SCRT2: variants seen among roughly 807,000 people sequenced by gnomAD.
SCRT2 encodes transcriptional repressor scratch 2.
SCRT2 carries 2 observed loss-of-function variants against 3.7 expected under a neutral mutation model. The ratio of observed to expected loss-of-function variants is 0.54; its 90% CI spans 0.22 to 1.70. The LOEUF (loss-of-function observed/expected upper bound fraction) is 1.70. SCRT2 is among the 40% of genes most tolerant of loss of function. SCRT2 has a pLI of 0.19. For missense variants in SCRT2, 456 were observed against 468.5 expected (o/e 0.97, Z 0.25); for synonymous variants, 256 against 220.6 (o/e 1.16, Z -1.42).
rs1239746223 is a variant in SCRT2, at chr20:662,744, GC to G, written c.*926del. Reference sequence around the variant, plus strand: ...CAACAAGTAAGGAAGGGGATCTGTGGCCCTGGGGATGGGGGAAAGTGCTCAG... The same window carrying G: ...CAACAAGTAAGGAAGGGGATCTGTGGCCTGGGGATGGGGGAAAGTGCTCAG... On this transcript the variant is annotated 3_prime_UTR_variant, in exon 2 of 2. Transcript: ENST00000246104. The G allele has an allele frequency of 6.5e-6, 1 of 152,748 alleles. No homozygotes were observed. Among genetic ancestry groups the G allele is most frequent in the Non-Finnish European group, 1.5e-5 (1 of 68,098 alleles). 9.5% of individuals were successfully genotyped at this position (152,748 alleles called of 1,614,324 possible).
chr20:670,162 G>GA (rs1350085558), intron 1 of SCRT2, among the ~76,000 whole-genome samples: 1 of 152,226 alleles, frequency 6.6e-6, no homozygotes, highest in Non-Finnish European at 1.5e-5. Flanking sequence ...GGGGGGTATG[G>GA]AGATGAGAGT....
intron 1 of SCRT2, among the ~76,000 whole-genome samples, chr20:670,523 G>A (rs529110844): frequency 1.3e-5 from 2 of 152,224 alleles, no homozygotes; most frequent in Non-Finnish European, 2.9e-5. Flanking sequence ...ACCTGTGGAT[G>A]TAGCACCCAC....
chr20:672,666 T>C (rs1984380225), intron 1 of SCRT2, among the ~76,000 whole-genome samples: 1 of 149,242 alleles, frequency 6.7e-6, no homozygotes, highest in Non-Finnish European at 1.5e-5. Context: ...CAGGAATGGC[T>C]TGTAAGAAGA....
rs186968419 is a variant in SCRT2 at position 665,265 on chromosome 20, G to A, written c.134-804C>T. Among the ~76,000 whole-genome samples the A allele has an allele frequency of 6.6e-6, 1 of 152,348 alleles. No individual in the cohort carries two copies. Among genetic ancestry groups the A allele is most frequent in the African/African-American group, 2.4e-5 (1 of 41,578 alleles). ...GGTTGGATCTGTGTGCCCAGCACAT[G>A]CCTGGCTCAAAGTAGGTGTGCGATG... On this transcript the variant is annotated intron_variant, in intron 1 of 1. Coordinates refer to ENST00000246104, the MANE Select transcript of SCRT2 (RefSeq NM_033129.4). This position sits in a 1 kb window ranked among gnomAD's most constrained non-coding sequence, Gnocchi z 5.0.
Position 664,085 on chromosome 20 carries a change from C to T in SCRT2, c.510G>A (p.Leu170=), listed in dbSNP as rs1449296312. The T allele has an allele frequency of 3.1e-6, 5 of 1,609,844 alleles. No homozygotes were observed. The African/African-American group carries it at 6.7e-5, about 22-fold the overall frequency. ...CGKTYATSSN[L]SRHKQTHRSL... is the part of the protein sequence containing the mutation. ...TGCGGTGCGTCTGCTTGTGGCGGCT[C>T]AGGTTCGACGACGTGGCGTAGGTCT... is the stretch of plus-strand genomic sequence containing the variant. The change falls in exon 2 of 2, where the codon CTG becomes CTA. Residue 170 remains leucine, a synonymous_variant. Transcript: ENST00000246104. This position sits in a 1 kb window ranked among gnomAD's most constrained non-coding sequence, Gnocchi z 7.9.
chr20:671,702 T>C (rs1215149054), intron 1 of SCRT2, among the ~76,000 whole-genome samples: 1 of 152,066 alleles, frequency 6.6e-6, no homozygotes, highest in Non-Finnish European at 1.5e-5. Context: ...TGGGTAGAAG[T>C]AGGAGAGTTT....
At chr20:670,044 C>T (rs896040426) in intron 1 of SCRT2, among the ~76,000 whole-genome samples, 4 of 152,236 alleles carry the variant, frequency 2.6e-5, no homozygotes, top group Non-Finnish European at 5.9e-5. Flanking sequence ...CCCACCACCC[C>T]CATCTCTTGG....
Position 663,520 on chromosome 20 carries a change from G to T in SCRT2, c.*151C>A. 1.6e-6 allele frequency: 1 copy of T among 642,074 alleles called. No individual in the cohort carries two copies. The highest frequency in any genetic ancestry group is 2.2e-6 in the Non-Finnish European group (1 of 444,574). The allele number at this position is 642,074 out of a possible 1,614,324, so 39.8% of individuals were successfully genotyped here. A position where few individuals can be genotyped will look rare whatever the true frequency, so the allele number is the denominator to read the frequency against. On this transcript the variant is annotated 3_prime_UTR_variant, in exon 2 of 2. Coordinates refer to ENST00000246104, the MANE Select transcript of SCRT2 (RefSeq NM_033129.4). This position sits in a 1 kb window ranked among gnomAD's most constrained non-coding sequence, Gnocchi z 6.9. ...AGTGAGTCGTGGGTTTGGGGGTTGG[G>T]GAGAAAAGTTCCGGGCCGGGCCGGG...
In SCRT2 at chr20:675,784, A is replaced by G. The variant is rs1294377926; in HGVS notation, c.-183T>C. ...GGCTTGGCGGCGGCGGCGCGCAGACAGGGGATCGCGGGAGCTGCGCTCAGC... is the reference window on the plus strand; with the variant it reads ...GGCTTGGCGGCGGCGGCGCGCAGACGGGGGATCGCGGGAGCTGCGCTCAGC... On this transcript the variant is annotated 5_prime_UTR_variant, in exon 1 of 2. Coordinates refer to ENST00000246104, the MANE Select transcript of SCRT2 (RefSeq NM_033129.4). The surrounding 1 kb of genome is among the most constrained non-coding windows in gnomAD (Gnocchi z 6.9). 2 of 234,912 alleles carry G rather than the reference A, an allele frequency of 8.5e-6. No homozygotes were observed. Among genetic ancestry groups the G allele is most frequent in the East Asian group, 1.1e-4 (1 of 9,044 alleles). 14.6% of individuals were successfully genotyped at this position (234,912 alleles called of 1,614,324 possible).
At chr20:673,680 C>G (rs1599925738) in intron 1 of SCRT2, among the ~76,000 whole-genome samples, 1 of 151,990 alleles carries the variant, frequency 6.6e-6, no homozygotes, top group East Asian at 1.9e-4. Context: ...CCTTTCAAAG[C>G]TTTTTTTTGG....
At position 663,890 on chromosome 20, in the gene SCRT2, G is replaced by A; in HGVS notation, c.705C>T (p.Thr235=). Residue 235 remains threonine, a synonymous_variant, in exon 2 of 2, where the codon ACC becomes ACT. Transcript: ENST00000246104. This position sits in a 1 kb window ranked among gnomAD's most constrained non-coding sequence, Gnocchi z 6.9. ...GCGCGCAGCCGAACGGCTTTTCGCCGGTGTGCGAGCGCATGTGACCCTGCA... is the reference window on the plus strand; with the variant it reads ...GCGCGCAGCCGAACGGCTTTTCGCCAGTGTGCGAGCGCATGTGACCCTGCA... ...WLLQGHMRSH[T]GEKPFGCAHC... is the part of the protein sequence containing the mutation. 1.2e-6 allele frequency: 2 copies of A among 1,603,580 alleles called. No individual in the cohort carries two copies. Among genetic ancestry groups the A allele is most frequent in the Non-Finnish European group, 1.7e-6 (2 of 1,177,372 alleles).
intron 1 of SCRT2, among the ~76,000 whole-genome samples, chr20:669,404 G>A (rs1004970720): frequency 7.2e-5 from 11 of 152,160 alleles, no homozygotes; most frequent in Admixed American, 6.5e-4. Flanking sequence ...TCAGAGCTGG[G>A]TTGGCCTCCT....
chr20:675,718 T>A lies in SCRT2; in HGVS notation c.-117A>T. 1.6e-6 allele frequency: 1 copy of A among 620,962 alleles called. No individual in the cohort carries two copies. Among genetic ancestry groups the A allele is most frequent in the Non-Finnish European group, 2.2e-6 (1 of 460,154 alleles). The allele number at this position is 620,962 out of a possible 1,614,324, so 38.5% of individuals were successfully genotyped here. A position where few individuals can be genotyped will look rare whatever the true frequency, so the allele number is the denominator to read the frequency against. On this transcript the variant is annotated 5_prime_UTR_variant, in exon 1 of 2. Transcript: ENST00000246104. This position sits in a 1 kb window ranked among gnomAD's most constrained non-coding sequence, Gnocchi z 6.9. Reference sequence around the variant, plus strand: ...AGCGGGCTGGAGCGCGGGAGGCCGCTCGGAGCCGGCACCGGTGGCGGCGGC... The same window carrying A: ...AGCGGGCTGGAGCGCGGGAGGCCGCACGGAGCCGGCACCGGTGGCGGCGGC...
Position 663,890 on chromosome 20 carries a change from G to C in SCRT2, c.705C>G (p.Thr235=), listed in dbSNP as rs1984052212. ...WLLQGHMRSH[T]GEKPFGCAHC... is the part of the protein sequence containing the mutation. ...GCGCGCAGCCGAACGGCTTTTCGCC[G>C]GTGTGCGAGCGCATGTGACCCTGCA... Residue 235 remains threonine, a synonymous_variant, in exon 2 of 2, where the codon ACC becomes ACG. Coordinates refer to ENST00000246104, the MANE Select transcript of SCRT2 (RefSeq NM_033129.4). The surrounding 1 kb of genome is among the most constrained non-coding windows in gnomAD (Gnocchi z 6.9). The C allele has an allele frequency of 3.1e-6, 5 of 1,603,580 alleles. No homozygotes were observed. The highest frequency in any genetic ancestry group is 2.5e-6 in the Non-Finnish European group (3 of 1,177,372).
At chr20:674,494 C>T (rs2122362867) in intron 1 of SCRT2, among the ~76,000 whole-genome samples, 1 of 152,018 alleles carries the variant, frequency 6.6e-6, no homozygotes, top group South Asian at 2.1e-4. Context: ...AGGGACACCT[C>T]CTCTTCAGAC....
intron 1 of SCRT2, among the ~76,000 whole-genome samples, chr20:672,720 G>A (rs1057289976): frequency 1.2e-4 from 4 of 32,592 alleles, no homozygotes; most frequent in Non-Finnish European, 1.9e-4. Flanking sequence ...GGCCTCCCCC[G>A]CCCTCCCTCC....
chr20:670,702 G>A (rs1432998274), intron 1 of SCRT2, among the ~76,000 whole-genome samples: 2 of 152,170 alleles, frequency 1.3e-5, no homozygotes, highest in Non-Finnish European at 2.9e-5. Context: ...TTTGGGATGT[G>A]TAGATTGCTG....
At position 667,612 on chromosome 20, in the gene SCRT2, C is replaced by T. The variant is rs528118013; in HGVS notation, c.134-3151G>A. On this transcript the variant is annotated intron_variant, in intron 1 of 1. Coordinates refer to ENST00000246104, the MANE Select transcript of SCRT2 (RefSeq NM_033129.4). The surrounding 1 kb of genome is among the most constrained non-coding windows in gnomAD (Gnocchi z 4.4). ...TGCCCATGGCGCCCTCTGCTGGTGG[C>T]CCTCAGCGCTGTTGACTTTCCTCCT... is the stretch of plus-strand genomic sequence containing the variant. Among the ~76,000 whole-genome samples the T allele has an allele frequency of 6.6e-6, 1 of 152,276 alleles. No individual in the cohort carries two copies. The highest frequency in any genetic ancestry group is 2.1e-4 in the South Asian group (1 of 4,814).
chr20:670,687 G>A (rs953744380), intron 1 of SCRT2, among the ~76,000 whole-genome samples: 8 of 152,208 alleles, frequency 5.3e-5, no homozygotes, highest in South Asian at 4.1e-4. Flanking sequence ...TGGCCAGAGA[G>A]TGCCTTTGGG....
Sources: gnomAD v4.1 joint callset for allele counts (sites outside exome capture counted in the v4.1 genomes callset) on GRCh38, gnomAD v4.1.1 for gene constraint, Gnocchi (gnomAD v3.1) non-coding constraint, MANE v1.5 for transcripts, NCBI Gene and HGNC (gene_info 2026-07-23, HGNC 2026-07-21) for gene names.